Variants in CAMTA1 observed in about 807,000 individuals in gnomAD.
CAMTA1 encodes the protein calmodulin-binding transcription activator 1.
Under a neutral mutation model 170.9 loss-of-function variants are expected in CAMTA1, and 27 were observed. The ratio of observed to expected loss-of-function variants is 0.16; its 90% CI spans 0.12 to 0.22. The LOEUF is 0.22. Ranked by LOEUF, CAMTA1 falls within the 10% of genes least tolerant of loss-of-function variation. CAMTA1 has a pLI of 1.00. For synonymous variants in CAMTA1, 833 were observed against 891.5 expected (o/e 0.93, Z 1.17); for missense variants, 1,619 against 2,217.2 (o/e 0.73, Z 5.42).
intron 4 of CAMTA1, among the ~76,000 whole-genome samples, chr1:7,194,760 A>T (rs1655197385): frequency 6.6e-6 from 1 of 152,202 alleles, no homozygotes; most frequent in Non-Finnish European, 1.5e-5. Flanking sequence ...AGTCCCCAGT[A>T]TGACCCTCCT....
chr1:7,395,316 C>T (rs1381731864), intron 5 of CAMTA1, among the ~76,000 whole-genome samples: 1 of 152,180 alleles, frequency 6.6e-6, no homozygotes, highest in Non-Finnish European at 1.5e-5. Flanking sequence ...GCAAAACTTA[C>T]TGAAAAGACT....
chr1:6,859,416 G>A (rs571172373), intron 3 of CAMTA1, among the ~76,000 whole-genome samples: 1 of 152,260 alleles, frequency 6.6e-6, no homozygotes, highest in East Asian at 1.9e-4. Context: ...CTTACAATAA[G>A]TGATGCACTT....
At chr1:7,597,422 G>C (rs77259728) in intron 6 of CAMTA1, among the ~76,000 whole-genome samples, 3 of 152,156 alleles carry the variant, frequency 2.0e-5, no homozygotes, top group Non-Finnish European at 4.4e-5. Context: ...CTCTGGCCCC[G>C]AGGCCTCCAC....
chr1:7,123,429 A>G (rs529583823), intron 4 of CAMTA1, among the ~76,000 whole-genome samples: 2 of 152,134 alleles, frequency 1.3e-5, no homozygotes, highest in East Asian at 1.9e-4. Flanking sequence ...CTATTTCTCA[A>G]TGTCCCATTC....
chr1:7,730,928 C>A lies in CAMTA1; in HGVS notation c.2915-1520C>A, dbSNP rs903336251. 3.4e-3 allele frequency among the ~76,000 whole-genome samples: 394 copies of A among 114,218 alleles called. 4 individuals carry two copies. Among genetic ancestry groups the A allele is most frequent in the African/African-American group, 9.8e-3 (310 of 31,738 alleles). 74.9% of individuals were successfully genotyped at this position (114,218 alleles called of 152,430 possible). On this transcript the variant is annotated intron_variant, in intron 11 of 22. Coordinates refer to ENST00000303635, the MANE Select transcript of CAMTA1 (RefSeq NM_015215.4). ...TCTCAATCTCTCTCTCTCTCTCTCT[C>A]TATATATATATATATATATTTAACA...
intron 1 of CAMTA1, chr1:6,807,035 G>C (rs1427903239): frequency 1.5e-6 from 1 of 669,928 alleles, no homozygotes; most frequent in Non-Finnish European, 2.7e-6. Flanking sequence ...AGGGGGAGAC[G>C]GACATTAATC....
chr1:6,804,187 T>C (rs1644241589), intron 1 of CAMTA1, among the ~76,000 whole-genome samples: 1 of 148,562 alleles, frequency 6.7e-6, no homozygotes, highest in South Asian at 2.1e-4. Flanking sequence ...TTTTTTTTTT[T>C]TTTTTTTTTT....
intron 3 of CAMTA1, among the ~76,000 whole-genome samples, chr1:6,906,007 G>T (rs771783799): frequency 3.9e-5 from 6 of 152,226 alleles, no homozygotes; most frequent in Non-Finnish European, 8.8e-5. Context: ...AGCTGGTGTT[G>T]CCTGTGGGAA....
Position 7,700,158 on chromosome 1 carries a change from C to T in CAMTA1, c.2914+22425C>T, listed in dbSNP as rs1454908610. Among the ~76,000 whole-genome samples, 3 of 151,292 alleles carry T rather than the reference C, an allele frequency of 2.0e-5. No individual in the cohort carries two copies. In the East Asian group the frequency reaches 5.8e-4, roughly 29 times the overall value. On this transcript the variant is annotated intron_variant, in intron 11 of 22. Coordinates refer to ENST00000303635, the MANE Select transcript of CAMTA1 (RefSeq NM_015215.4). ...TTTTTCCAAGAGTTTTGTAGCTTTA[C>T]CTCTTATATGTAGGTCTTTGATCCA... is the stretch of plus-strand genomic sequence containing the variant.
chr1:7,362,380 G>A (rs1432831750), intron 5 of CAMTA1, among the ~76,000 whole-genome samples: 1 of 152,148 alleles, frequency 6.6e-6, no homozygotes, highest in Non-Finnish European at 1.5e-5. Context: ...GATAGAGTTG[G>A]TGGACTTGGG....
chr1:7,338,515 A>T (rs1040950970), intron 5 of CAMTA1, among the ~76,000 whole-genome samples: 1 of 152,178 alleles, frequency 6.6e-6, no homozygotes, highest in Non-Finnish European at 1.5e-5. Context: ...CATGTATTCA[A>T]ATATTGATTG....
chr1:7,245,243 TACAC>T (rs142651644), intron 4 of CAMTA1, among the ~76,000 whole-genome samples: 2 of 151,076 alleles, frequency 1.3e-5, no homozygotes, highest in Non-Finnish European at 3.0e-5. Flanking sequence ...CATACATACA[TACAC>T]ACACATACAT....
intron 5 of CAMTA1, among the ~76,000 whole-genome samples, chr1:7,365,220 C>T (rs1324854446): frequency 5.8e-5 from 1 of 17,264 alleles, no homozygotes; most frequent in Non-Finnish European, 1.1e-4. Flanking sequence ...GCAGCAAGCA[C>T]CTGGTGGCTG....
intron 12 of CAMTA1, among the ~76,000 whole-genome samples, chr1:7,733,680 C>A (rs1577274058): frequency 1.3e-5 from 2 of 148,510 alleles, no homozygotes; most frequent in Admixed American, 6.8e-5. Flanking sequence ...GCAAAAAAAA[C>A]CTCAAATAAT....
chr1:7,372,371 T>C (rs1466712485), intron 5 of CAMTA1, among the ~76,000 whole-genome samples: 2 of 152,236 alleles, frequency 1.3e-5, no homozygotes, highest in South Asian at 4.1e-4. Flanking sequence ...ATCCTTGCTG[T>C]ATGTGTTTAG....
intron 5 of CAMTA1, among the ~76,000 whole-genome samples, chr1:7,334,603 C>G (rs572580651): frequency 1.4e-4 from 22 of 152,306 alleles, no homozygotes; most frequent in African/African-American, 4.8e-4. Flanking sequence ...TCATCTCCCC[C>G]GGGGGATGTC....
intron 6 of CAMTA1, among the ~76,000 whole-genome samples, chr1:7,616,473 G>A (rs1408639879): frequency 1.3e-5 from 2 of 152,218 alleles, no homozygotes; most frequent in African/African-American, 4.8e-5. Context: ...CCTCCGAACC[G>A]GTCAGCCCAG....
At position 7,665,110 on chromosome 1, in the gene CAMTA1, G is replaced by A. The variant is rs148522530; in HGVS notation, c.2563G>A (p.Ala855Thr). The change falls in exon 9 of 23, where the codon GCC becomes ACC. Residue 855 changes from alanine to threonine, a missense_variant. Ala to Thr is a moderately conservative substitution (Grantham distance 58). Transcript: ENST00000303635. This position sits in a 1 kb window ranked among gnomAD's most constrained non-coding sequence, Gnocchi z 4.3. ...YMHVAEVVSAASAQGTLGMLQ... is the reference protein window; with the variant it reads ...YMHVAEVVSATSAQGTLGMLQ... ...GCACGTCGCCGAGGTGGTCTCGGCC[G>A]CCTCGGCCCAGGGCACCCTAGGCAT... The A allele has an allele frequency of 2.2e-4, 333 of 1,529,276 alleles. 2 individuals carry two copies. The South Asian group carries it at 2.2e-3, about 10-fold the overall frequency. The allele number at this position is 1,529,276 out of a possible 1,614,324, so 94.7% of individuals were successfully genotyped here. A position where few individuals can be genotyped will look rare whatever the true frequency, so the allele number is the denominator to read the frequency against.
intron 3 of CAMTA1, among the ~76,000 whole-genome samples, chr1:6,968,711 G>A (rs932511859): frequency 6.6e-6 from 1 of 152,034 alleles, no homozygotes; most frequent in African/African-American, 2.4e-5. Flanking sequence ...CGTAGCAAGT[G>A]CTATCTAAGT....
Sources: gnomAD v4.1 joint callset for allele counts (sites outside exome capture counted in the v4.1 genomes callset) on GRCh38, gnomAD v4.1.1 for gene constraint, Gnocchi (gnomAD v3.1) non-coding constraint, MANE v1.5 for transcripts, NCBI Gene and HGNC (gene_info 2026-07-23, HGNC 2026-07-21) for gene names.